The following STAT4 variants were observed in gnomAD, a reference collection of about 807,000 sequenced individuals.
STAT4 encodes signal transducer and activator of transcription 4.
In STAT4, 42 loss-of-function variants were observed where a neutral mutation model predicts 110.5. The observed-to-expected ratio is 0.38, with a 90% confidence interval of 0.30 to 0.49. The LOEUF (loss-of-function observed/expected upper bound fraction) is 0.49. Among genes scored for constraint, STAT4 ranks in the 20% least tolerant of loss-of-function variants. The probability of loss-of-function intolerance (pLI) is 0.95; values close to 1 mark genes in which losing one functional copy is unlikely to be tolerated. For synonymous variants in STAT4, 284 were observed against 302.2 expected (o/e 0.94, Z 0.63); for missense variants, 632 against 887.9 (o/e 0.71, Z 3.66).
Position 191,147,965 on chromosome 2 carries a change from C to T in STAT4, c.128+111G>A. 7.0e-7 allele frequency: 1 copy of T among 1,430,994 alleles called. No individual in the cohort carries two copies. The highest frequency in any genetic ancestry group is 9.4e-7 in the Non-Finnish European group (1 of 1,058,396). The allele number at this position is 1,430,994 out of a possible 1,614,324, so 88.6% of individuals were successfully genotyped here. A position where few individuals can be genotyped will look rare whatever the true frequency, so the allele number is the denominator to read the frequency against. ...TTCAAATCCTTGAGAAAGTTCTTTACCTGAAAAGAATGCATCTACTGAGTA... is the reference window on the plus strand; with the variant it reads ...TTCAAATCCTTGAGAAAGTTCTTTATCTGAAAAGAATGCATCTACTGAGTA... On this transcript the variant is annotated intron_variant, in intron 2 of 23. Coordinates refer to ENST00000392320, the MANE Select transcript of STAT4 (RefSeq NM_003151.4). The surrounding 1 kb of genome is among the most constrained non-coding windows in gnomAD (Gnocchi z 4.1).
chr2:191,062,669 T>G lies in STAT4; in HGVS notation c.941+93A>C. 2 of 1,417,806 alleles carry G rather than the reference T, an allele frequency of 1.4e-6. No homozygotes were observed. Among genetic ancestry groups the G allele is most frequent in the Non-Finnish European group, 2.0e-6 (2 of 1,024,030 alleles). 87.8% of individuals were successfully genotyped at this position (1,417,806 alleles called of 1,614,324 possible). ...CTCCCTGAGGCTCGTTGTTGAATAC[T>G]TCCCTGCCACTCTTCCACCTAAACA... On this transcript the variant is annotated intron_variant, in intron 9 of 23. Transcript: ENST00000392320. This position sits in a 1 kb window ranked among gnomAD's most constrained non-coding sequence, Gnocchi z 4.9.
chr2:191,070,659 C>T (rs1023126452), intron 5 of STAT4, among the ~76,000 whole-genome samples: 4 of 152,182 alleles, frequency 2.6e-5, no homozygotes, highest in African/African-American at 4.8e-5. Flanking sequence ...ATATATCTAC[C>T]ACAGCAATGC....
chr2:191,102,536 A>G (rs1698173262), intron 3 of STAT4, among the ~76,000 whole-genome samples: 1 of 152,160 alleles, frequency 6.6e-6, no homozygotes, highest in Non-Finnish European at 1.5e-5. Context: ...GCTGTGGGCT[A>G]CTGTGCTAAT....
At chr2:191,114,375 A>G (rs1698516966) in intron 3 of STAT4, among the ~76,000 whole-genome samples, 1 of 152,234 alleles carries the variant, frequency 6.6e-6, no homozygotes, top group Non-Finnish European at 1.5e-5. Flanking sequence ...TTCCTTATGC[A>G]TATGGTATAT....
rs1445584781 is a variant in STAT4, at chr2:191,082,061, C to A, written c.274-5736G>T. 2.0e-5 allele frequency among the ~76,000 whole-genome samples: 3 copies of A among 152,132 alleles called. No individual in the cohort carries two copies. The highest frequency in any genetic ancestry group is 4.4e-5 in the Non-Finnish European group (3 of 68,018). ...GGTCTTATTGTGCTGAGATTTCTTT[C>A]ATCTATTATGAGGAATTTGGCAATT... On this transcript the variant is annotated intron_variant, in intron 3 of 23. Transcript: ENST00000392320. This position sits in a 1 kb window ranked among gnomAD's most constrained non-coding sequence, Gnocchi z 4.7.
chr2:191,054,119 C>A (rs538148063), intron 14 of STAT4, among the ~76,000 whole-genome samples: 7 of 145,058 alleles, frequency 4.8e-5, no homozygotes, highest in Non-Finnish European at 9.0e-5. Flanking sequence ...CAGAGTGAGA[C>A]CCTTCTCAAA....
At chr2:191,038,035 C>T (rs1208602221) in intron 16 of STAT4, among the ~76,000 whole-genome samples, 1 of 152,134 alleles carries the variant, frequency 6.6e-6, no homozygotes, top group African/African-American at 2.4e-5. Flanking sequence ...GACTTTGGTG[C>T]CTTTCTTACA....
chr2:191,034,029 A>T (rs1393647939), intron 18 of STAT4, 24 bp from the exon 19 acceptor site: 2 of 1,448,332 alleles, frequency 1.4e-6, no homozygotes, highest in East Asian at 4.6e-5. Context: ...CAAGCACATT[A>T]AGACAATGAT....
At position 191,039,220 on chromosome 2, in the gene STAT4, G is replaced by A. The variant is rs142491497; in HGVS notation, c.1413C>T (p.Asn471=). 25 of 1,614,072 alleles carry A rather than the reference G, an allele frequency of 1.5e-5. No homozygotes were observed. Among genetic ancestry groups the A allele is most frequent in the East Asian group, 2.2e-5 (1 of 44,900 alleles). ...CTACCTGGGAATCGTTGGTTGACACGTTGTACCAAATGATGGATGCCCAAG... is the reference window on the plus strand; with the variant it reads ...CTACCTGGGAATCGTTGGTTGACACATTGTACCAAATGATGGATGCCCAAG... The part of the protein sequence containing the change: ...PNAWASIIWY[N]VSTNDSQNLV... The change falls in exon 16 of 24, where the codon AAC becomes AAT. Residue 471 remains asparagine (N), a synonymous_variant. Transcript: ENST00000392320. This position sits in a 1 kb window ranked among gnomAD's most constrained non-coding sequence, Gnocchi z 4.7.
Position 191,057,973 on chromosome 2 carries a change from AT to A in STAT4, c.1206+44del, listed in dbSNP as rs1218840714. On this transcript the variant is annotated intron_variant, in intron 13 of 23. Coordinates refer to ENST00000392320, the MANE Select transcript of STAT4 (RefSeq NM_003151.4). ...TAAGGCGTATTAGTAAAGATGTCTG[AT>A]TTTGGGGAAAAAAAAGCCTGTTTAA... 5 of 1,484,314 alleles carry A rather than the reference AT, an allele frequency of 3.4e-6. No homozygotes were observed. The Admixed American group carries it at 6.8e-5, about 20-fold the overall frequency. 91.9% of individuals were successfully genotyped at this position (1,484,314 alleles called of 1,614,324 possible).
Position 191,143,797 on chromosome 2 carries a change from T to C in STAT4, c.273+2816A>G, listed in dbSNP as rs1034157277. On this transcript the variant is annotated intron_variant, in intron 3 of 23. Coordinates refer to ENST00000392320, the MANE Select transcript of STAT4 (RefSeq NM_003151.4). The surrounding 1 kb of genome is among the most constrained non-coding windows in gnomAD (Gnocchi z 5.6). ...CAACAGCCTTTTGATAGGGAATTTTTTTTTTCTTTTTTGTGGGGAAGAGAG... is the reference window on the plus strand; with the variant it reads ...CAACAGCCTTTTGATAGGGAATTTTCTTTTTCTTTTTTGTGGGGAAGAGAG... Among the ~76,000 whole-genome samples, 1 of 152,004 alleles carries C rather than the reference T, an allele frequency of 6.6e-6. No homozygotes were observed. The highest frequency in any genetic ancestry group is 1.5e-5 in the Non-Finnish European group (1 of 67,996).
chr2:191,151,270 CG>C (rs1214479908), upstream of STAT4: 10 of 985,456 alleles, frequency 1.0e-5, no homozygotes, highest in Non-Finnish European at 1.2e-5. This position sits in a 1 kb window ranked among gnomAD's most constrained non-coding sequence, Gnocchi z 4.7. Context: ...AGGGGAGGGG[CG>C]GGGCATACAT....
intron 3 of STAT4, among the ~76,000 whole-genome samples, chr2:191,125,171 T>C (rs923062746): frequency 1.3e-5 from 2 of 152,220 alleles, no homozygotes; most frequent in South Asian, 4.1e-4. Context: ...CAGCTGTTTT[T>C]TTAAAAGTTT....
In STAT4 at chr2:191,062,739, G is replaced by A; in HGVS notation, c.941+23C>T. ...GTTCTTACTTCACAGAATGGAGGAT[G>A]CCATTGATAGCACTTCACTTACTTC... On this transcript the variant is annotated intron_variant, in intron 9 of 23. Transcript: ENST00000392320. This position sits in a 1 kb window ranked among gnomAD's most constrained non-coding sequence, Gnocchi z 4.9. 1 of 1,612,412 alleles carries A rather than the reference G, an allele frequency of 6.2e-7. No individual in the cohort carries two copies. The highest frequency in any genetic ancestry group is 8.5e-7 in the Non-Finnish European group (1 of 1,179,080).
intron 18 of STAT4, 102 bp downstream of exon 18, chr2:191,034,446 T>A: frequency 1.1e-6 from 1 of 922,798 alleles, no homozygotes; most frequent in Non-Finnish European, 1.7e-6. Context: ...AAAGAAAAAT[T>A]CTTATCTGGG....
chr2:191,128,633 C>G (rs754849613), intron 3 of STAT4, among the ~76,000 whole-genome samples: 1 of 152,116 alleles, frequency 6.6e-6, no homozygotes, highest in Non-Finnish European at 1.5e-5. Flanking sequence ...CAGCCATACC[C>G]AAATGACCCC....
At chr2:191,141,674 A>G (rs959638103) in intron 3 of STAT4, among the ~76,000 whole-genome samples, 2 of 151,142 alleles carry the variant, frequency 1.3e-5, no homozygotes, top group Admixed American at 6.6e-5. Flanking sequence ...TGTGTTGTCC[A>G]GGCTGGAGTG....
At position 191,116,983 on chromosome 2, in the gene STAT4, C is replaced by T. The variant is rs752433633; in HGVS notation, c.273+29630G>A. Among the ~76,000 whole-genome samples the T allele has an allele frequency of 6.6e-6, 1 of 152,146 alleles. No individual in the cohort carries two copies. On this transcript the variant is annotated intron_variant, in intron 3 of 23. Coordinates refer to ENST00000392320, the MANE Select transcript of STAT4 (RefSeq NM_003151.4). This position sits in a 1 kb window ranked among gnomAD's most constrained non-coding sequence, Gnocchi z 4.1. ...ATATACGTGAGATCTCCATGTGATT[C>T]TTTTTGCATTACTTTGAGCAGAGTC...
rs1438201675 is a variant in STAT4, at chr2:191,029,963, A to G, written c.2221-97T>C. On this transcript the variant is annotated intron_variant, in intron 23 of 23. Coordinates refer to ENST00000392320, the MANE Select transcript of STAT4 (RefSeq NM_003151.4). This position sits in a 1 kb window ranked among gnomAD's most constrained non-coding sequence, Gnocchi z 4.5. ...ATAAACGTCCTCTTTTCTACGAATT[A>G]CTCCATAATTTTTCTATTACCTAGT... 5.2e-6 allele frequency: 5 copies of G among 959,960 alleles called. No homozygotes were observed. The highest frequency in any genetic ancestry group is 6.3e-6 in the Non-Finnish European group (4 of 633,086). 59.5% of individuals were successfully genotyped at this position (959,960 alleles called of 1,614,324 possible). A position where few individuals can be genotyped will look rare whatever the true frequency, so the allele number is the denominator to read the frequency against.
Sources: allele counts gnomAD v4.1 joint callset (sites outside exome capture counted in the v4.1 genomes callset), GRCh38; gene constraint gnomAD v4.1.1; non-coding constraint Gnocchi (gnomAD v3.1); transcripts MANE v1.5; gene names NCBI Gene and HGNC (gene_info 2026-07-23, HGNC 2026-07-21).